The following LARS2 variants were observed in gnomAD, a reference collection of about 807,000 sequenced individuals.
The protein encoded by LARS2 is leucyl-tRNA synthetase 2, mitochondrial.
Under a neutral mutation model 116.6 loss-of-function variants are expected in LARS2, and 81 were observed. That is an observed-to-expected ratio of 0.69 (90% CI 0.58 to 0.84). LARS2 has a LOEUF of 0.84. Ranked by LOEUF, LARS2 falls within the 40% of genes least tolerant of loss-of-function variation. The probability of loss-of-function intolerance (pLI) is 0.00; values close to 1 mark genes in which losing one functional copy is unlikely to be tolerated. For synonymous variants in LARS2, 396 were observed against 407.2 expected (o/e 0.97, Z 0.33); for missense variants, 968 against 1,114.5 (o/e 0.87, Z 1.87).
intron 6 of LARS2, among the ~76,000 whole-genome samples, chr3:45,431,009 A>C (rs966791910): frequency 8.5e-5 from 13 of 152,178 alleles, no homozygotes; most frequent in African/African-American, 3.1e-4. Flanking sequence ...TTAGGTTTAG[A>C]TGAGGACATG....
In LARS2 at chr3:45,409,399, G is replaced by A. The variant is rs3774695; in HGVS notation, c.364-8083G>A. On this transcript the variant is annotated intron_variant, in intron 4 of 21. Coordinates refer to ENST00000645846, the MANE Select transcript of LARS2 (RefSeq NM_015340.4). ...ACAATCTTGGCCATAGAGAAATCAA[G>A]GGCAAGAAAGTGTACCATGTATCTA... Among the ~76,000 whole-genome samples the A allele has an allele frequency of 4.3e-4, 66 of 152,274 alleles. No individual in the cohort carries two copies. In the East Asian group the frequency reaches 0.012, roughly 28 times the overall value.
chr3:45,405,257 A>G (rs1698216457), intron 4 of LARS2, among the ~76,000 whole-genome samples: 1 of 152,180 alleles, frequency 6.6e-6, no homozygotes, highest in Admixed American at 6.5e-5. Flanking sequence ...CCCAACCATC[A>G]TGTCAGGTTT....
At chr3:45,409,924 T>A (rs1294453906) in intron 4 of LARS2, among the ~76,000 whole-genome samples, 5 of 152,240 alleles carry the variant, frequency 3.3e-5, no homozygotes, top group Admixed American at 3.3e-4. Flanking sequence ...ATGGACAGCT[T>A]AGATAACATG....
At chr3:45,389,759 A>C (rs956668600) in intron 1 of LARS2, among the ~76,000 whole-genome samples, 2 of 152,200 alleles carry the variant, frequency 1.3e-5, no homozygotes, top group African/African-American at 4.8e-5. Context: ...AATATAAGAC[A>C]TGAGCCACAC....
intron 15 of LARS2, among the ~76,000 whole-genome samples, chr3:45,509,131 G>A (rs1700243488): frequency 6.6e-6 from 1 of 152,048 alleles, no homozygotes; most frequent in South Asian, 2.1e-4. Flanking sequence ...AGAAATCCAG[G>A]GCCTTCTTCA....
intron 1 of LARS2, among the ~76,000 whole-genome samples, chr3:45,390,835 G>A (rs553791065): frequency 6.7e-6 from 1 of 150,370 alleles, no homozygotes; most frequent in African/African-American, 2.4e-5. Context: ...TGTACTTTTA[G>A]TAGAGACGTG....
intron 4 of LARS2, among the ~76,000 whole-genome samples, chr3:45,415,206 T>G (rs1020538143): frequency 2.0e-5 from 3 of 152,186 alleles, no homozygotes; most frequent in African/African-American, 7.2e-5. Context: ...AACAGTCAAA[T>G]AAGGGGTTGG....
intron 6 of LARS2, among the ~76,000 whole-genome samples, chr3:45,428,839 G>A (rs4682783): frequency 0.48 from 72,180 of 151,690 alleles, 20,364 homozygotes; most frequent in East Asian, 0.82. Flanking sequence ...TGCTGTATTC[G>A]CTTTATCTCT....
intron 8 of LARS2, among the ~76,000 whole-genome samples, chr3:45,463,133 A>T (rs1699361700): frequency 6.6e-6 from 1 of 152,208 alleles, no homozygotes; most frequent in Non-Finnish European, 1.5e-5. Context: ...AGCGAAAGGG[A>T]TTCAGAGTCT....
At chr3:45,536,014 C>A (rs893802711) in intron 20 of LARS2, among the ~76,000 whole-genome samples, 1 of 152,092 alleles carries the variant, frequency 6.6e-6, no homozygotes, top group African/African-American at 2.4e-5. Context: ...CCTTTCTAAA[C>A]TCATAAGTCT....
Position 45,541,908 on chromosome 3 carries a change from G to A in LARS2, c.2484G>A (p.Val828=). ...ASVLLQAWPA[V]DPEFLQQPEV... is the part of the protein sequence containing the mutation. ...TGCTGCTCCAGGCATGGCCTGCTGTGGACCCGGAGTTCCTGCAGCAGCCTG... is the reference window on the plus strand; with the variant it reads ...TGCTGCTCCAGGCATGGCCTGCTGTAGACCCGGAGTTCCTGCAGCAGCCTG... The change falls in exon 21 of 22, where the codon GTG becomes GTA. Residue 828 remains valine, a synonymous_variant. Coordinates refer to ENST00000645846, the MANE Select transcript of LARS2 (RefSeq NM_015340.4). The A allele has an allele frequency of 6.2e-7, 1 of 1,614,228 alleles. No homozygotes were observed. The highest frequency in any genetic ancestry group is 1.3e-5 in the African/African-American group (1 of 75,068).
intron 16 of LARS2, 34 bp from the exon 17 acceptor site, chr3:45,516,060 A>G (rs1267606595): frequency 6.3e-7 from 1 of 1,577,440 alleles, no homozygotes; most frequent in Admixed American, 1.7e-5. Context: ...TCACAATGAC[A>G]CATACCATAC....
At chr3:45,520,335 G>A in intron 19 of LARS2, 39 bp downstream of exon 19, 2 of 1,541,318 alleles carry the variant, frequency 1.3e-6, no homozygotes, top group South Asian at 1.1e-5. Context: ...GCAGAGGAGG[G>A]AGGGAGAGGT....
At chr3:45,470,547 G>A (rs977570219) in intron 8 of LARS2, among the ~76,000 whole-genome samples, 4 of 152,080 alleles carry the variant, frequency 2.6e-5, no homozygotes, top group Non-Finnish European at 2.9e-5. Flanking sequence ...TAGCACAAAC[G>A]GATTTAAGGC....
In LARS2 at chr3:45,547,637, C is replaced by A; in HGVS notation, c.*107C>A. On this transcript the variant is annotated 3_prime_UTR_variant, in exon 22 of 22. Transcript: ENST00000645846. ...CCAGGGGAAGGGAAAAGACAAATGTCTTGACTGTTGACCTCGGTCCTGTGG... is the reference window on the plus strand; with the variant it reads ...CCAGGGGAAGGGAAAAGACAAATGTATTGACTGTTGACCTCGGTCCTGTGG... 1 of 1,073,600 alleles carries A rather than the reference C, an allele frequency of 9.3e-7. No homozygotes were observed. The highest frequency in any genetic ancestry group is 1.4e-6 in the Non-Finnish European group (1 of 738,692). The allele number at this position is 1,073,600 out of a possible 1,614,324, so 66.5% of individuals were successfully genotyped here. A position where few individuals can be genotyped will look rare whatever the true frequency, so the allele number is the denominator to read the frequency against.
At chr3:45,417,728 A>G (rs1274944782) in intron 5 of LARS2, among the ~76,000 whole-genome samples, 155 bp downstream of exon 5, 1 of 152,210 alleles carries the variant, frequency 6.6e-6, no homozygotes, top group Non-Finnish European at 1.5e-5. Context: ...GTCTTTTAAC[A>G]TATTGTATTC....
chr3:45,532,843 T>C (rs1427295526), intron 20 of LARS2, among the ~76,000 whole-genome samples: 1 of 152,094 alleles, frequency 6.6e-6, no homozygotes, highest in Non-Finnish European at 1.5e-5. Flanking sequence ...GGTTTTGCCA[T>C]GTTGGCCAGG....
rs138103525 is a variant in LARS2 at position 45,496,080 on chromosome 3, C to T, written c.1524-195C>T. On this transcript the variant is annotated intron_variant, in intron 13 of 21. Transcript: ENST00000645846. ...TTCACCATGTTGGCCAGTATGGTCT[C>T]GATCTTTTGACCTCGTGATCCACCC... Among the ~76,000 whole-genome samples, 288 of 152,220 alleles carry T rather than the reference C, an allele frequency of 1.9e-3. 2 individuals are homozygous for T. The highest frequency in any genetic ancestry group is 6.3e-3 in the African/African-American group (262 of 41,542).
At chr3:45,394,948 T>C (rs1698020472) in intron 3 of LARS2, among the ~76,000 whole-genome samples, 1 of 152,154 alleles carries the variant, frequency 6.6e-6, no homozygotes, top group Non-Finnish European at 1.5e-5. Flanking sequence ...TCCAATGTGG[T>C]GGATGCACAC....
Sources: gnomAD v4.1 joint callset for allele counts (sites outside exome capture counted in the v4.1 genomes callset) on GRCh38, gnomAD v4.1.1 for gene constraint, MANE v1.5 for transcripts, NCBI Gene and HGNC (gene_info 2026-07-23, HGNC 2026-07-21) for gene names.